The following GHR variants were observed in gnomAD, a reference collection of about 807,000 sequenced individuals.
GHR encodes the protein GH receptor.
Under a neutral mutation model 67.1 loss-of-function variants are expected in GHR, and 35 were observed. The ratio of observed to expected loss-of-function variants is 0.52; its 90% CI spans 0.40 to 0.69. The LOEUF is 0.69. Ranked by LOEUF, GHR falls within the 30% of genes least tolerant of loss-of-function variation. The pLI is 0.00. For missense variants in GHR, 792 were observed against 764.6 expected (o/e 1.04, Z -0.42); for synonymous variants, 272 against 269.1 (o/e 1.01, Z -0.10).
At chr5:42,466,951 C>G in intron 1 of GHR, 1 of 1,542,778 alleles carries the variant, frequency 6.5e-7, no homozygotes. Flanking sequence ...AGCTGCACCA[C>G]ACTTCTTATA....
intron 2 of GHR, among the ~76,000 whole-genome samples, chr5:42,592,912 T>C (rs1561151302): frequency 6.6e-6 from 1 of 152,240 alleles, no homozygotes; most frequent in East Asian, 1.9e-4. Context: ...TGTTATTTTT[T>C]TGAGTTTTTA....
intron 1 of GHR, among the ~76,000 whole-genome samples, chr5:42,559,912 T>G (rs1749510028): frequency 6.6e-6 from 1 of 152,212 alleles, no homozygotes; most frequent in African/African-American, 2.4e-5. Flanking sequence ...AATGCCCTTT[T>G]GGGTTAGCTT....
At chr5:42,532,180 A>G (rs1748002034) in intron 1 of GHR, among the ~76,000 whole-genome samples, 1 of 152,132 alleles carries the variant, frequency 6.6e-6, no homozygotes, top group African/African-American at 2.4e-5. Context: ...TGATCATATA[A>G]CAATAAGTCT....
At chr5:42,434,148 A>G (rs1314395000) in intron 1 of GHR, among the ~76,000 whole-genome samples, 1 of 152,160 alleles carries the variant, frequency 6.6e-6, no homozygotes, top group Non-Finnish European at 1.5e-5. Context: ...AATGGGCTTT[A>G]CAATGGCAGA....
At chr5:42,650,576 A>ACATATATATATATATATATATAT (rs1238563261) in intron 3 of GHR, among the ~76,000 whole-genome samples, 2 of 53,396 alleles carry the variant, frequency 3.7e-5, no homozygotes, top group African/African-American at 1.6e-4. Flanking sequence ...TTTTACAGAT[A>ACATATATATATATATATATATAT]ACATATATAT....
Position 42,688,890 on chromosome 5 carries a change from A to T in GHR, c.137A>T (p.Asn46Ile), listed in dbSNP as rs1401911314. The change falls in exon 4 of 10, where the codon AAT becomes ATT. Residue 46 changes from asparagine (N) to isoleucine (I), a missense_variant and splice_region_variant. Asn to Ile is a moderately radical substitution (Grantham distance 149). Transcript: ENST00000230882. ...CTTGCCTTTTCTTTTTATTCTGCAG[A>T]TTCTTCTAAGGAGCCTAAATTCACC... is the stretch of plus-strand genomic sequence containing the variant. ...LQSVNPGLKT[N>I]SSKEPKFTKC... is the part of the protein sequence containing the mutation. The T allele has an allele frequency of 1.9e-6, 3 of 1,613,834 alleles. No homozygotes were observed. The highest frequency in any genetic ancestry group is 2.2e-5 in the East Asian group (1 of 44,866).
At chr5:42,606,373 G>T (rs1446636680) in intron 2 of GHR, among the ~76,000 whole-genome samples, 1 of 152,148 alleles carries the variant, frequency 6.6e-6, no homozygotes, top group Non-Finnish European at 1.5e-5. Flanking sequence ...TTGGTTCATG[G>T]TTCTGCAGGC....
chr5:42,502,863 T>A (rs1746598578), intron 1 of GHR, among the ~76,000 whole-genome samples: 1 of 149,566 alleles, frequency 6.7e-6, no homozygotes, highest in Non-Finnish European at 1.5e-5. Context: ...TTTTATTAAT[T>A]TATACATATG....
At chr5:42,631,714 C>T (rs1419391044) in intron 3 of GHR, among the ~76,000 whole-genome samples, 1 of 152,138 alleles carries the variant, frequency 6.6e-6, no homozygotes, top group Non-Finnish European at 1.5e-5. Flanking sequence ...TGAGAATATA[C>T]AATTATAATT....
intron 1 of GHR, among the ~76,000 whole-genome samples, chr5:42,464,166 A>G (rs1368423037): frequency 6.6e-6 from 1 of 150,954 alleles, no homozygotes; most frequent in East Asian, 2.0e-4. Context: ...TCTACTTACT[A>G]CCTGCTGCTG....
intron 1 of GHR, among the ~76,000 whole-genome samples, chr5:42,434,900 A>G (rs1481354362): frequency 6.6e-6 from 1 of 152,164 alleles, no homozygotes; most frequent in Non-Finnish European, 1.5e-5. Context: ...TTGGATTCAC[A>G]CAAATCTGCT....
At chr5:42,613,232 G>A (rs748630490) in intron 2 of GHR, among the ~76,000 whole-genome samples, 1 of 152,068 alleles carries the variant, frequency 6.6e-6, no homozygotes, top group Non-Finnish European at 1.5e-5. Context: ...CACTGACCGA[G>A]TTTGTAATGA....
rs148613828 is a variant in GHR, at chr5:42,612,060, A to G, written c.71-16978A>G. 4.3e-3 allele frequency among the ~76,000 whole-genome samples: 661 copies of G among 152,316 alleles called. 4 individuals carry two copies. The highest frequency in any genetic ancestry group is 0.015 in the African/African-American group (639 of 41,570). On this transcript the variant is annotated intron_variant, in intron 2 of 9. Coordinates refer to ENST00000230882, the MANE Select transcript of GHR (RefSeq NM_000163.5). Reference sequence around the variant, plus strand: ...GAAGGTTAGAGCTATGTCTGTATCCAGCATAATATTTATCTCTGTATCTGC... The same window carrying G: ...GAAGGTTAGAGCTATGTCTGTATCCGGCATAATATTTATCTCTGTATCTGC...
intron 3 of GHR, among the ~76,000 whole-genome samples, chr5:42,652,768 A>G (rs1199040973): frequency 1.3e-5 from 2 of 152,136 alleles, no homozygotes; most frequent in Non-Finnish European, 2.9e-5. Flanking sequence ...TTAACAGATA[A>G]AGAGACTGAG....
intron 1 of GHR, among the ~76,000 whole-genome samples, chr5:42,558,640 G>A (rs180708169): frequency 1.3e-4 from 20 of 152,136 alleles, no homozygotes; most frequent in Admixed American, 1.2e-3. Context: ...CTATTCAATA[G>A]AGCAGTAACC....
intron 3 of GHR, among the ~76,000 whole-genome samples, chr5:42,687,033 AACAG>A (rs1757191288): frequency 6.6e-6 from 1 of 152,202 alleles, no homozygotes; most frequent in Non-Finnish European, 1.5e-5. Flanking sequence ...ATACACCAGT[AACAG>A]ACAGAGAGCC....
At chr5:42,503,959 G>A (rs1022458164) in intron 1 of GHR, among the ~76,000 whole-genome samples, 2 of 152,204 alleles carry the variant, frequency 1.3e-5, no homozygotes, top group Admixed American at 6.5e-5. Flanking sequence ...GAAAAGAGGG[G>A]AGCTTTGGGA....
Position 42,602,964 on chromosome 5 carries a change from G to A in GHR, c.71-26074G>A, listed in dbSNP as rs575905439. 4.6e-5 allele frequency among the ~76,000 whole-genome samples: 7 copies of A among 152,156 alleles called. No homozygotes were observed. The East Asian group carries it at 1.2e-3, about 25-fold the overall frequency. ...ATTCTGTATTATTTTTTACCAATGT[G>A]TTCCCTACTCTGCTGCTTTCTTTTT... On this transcript the variant is annotated intron_variant, in intron 2 of 9. Coordinates refer to ENST00000230882, the MANE Select transcript of GHR (RefSeq NM_000163.5).
chr5:42,692,387 G>C (rs1261260245), intron 4 of GHR, among the ~76,000 whole-genome samples: 2 of 151,990 alleles, frequency 1.3e-5, no homozygotes, highest in Non-Finnish European at 2.9e-5. Context: ...TAACTTTTGG[G>C]AGTAAGAGCA....
Sources: allele counts gnomAD v4.1 joint callset (sites outside exome capture counted in the v4.1 genomes callset), GRCh38; gene constraint gnomAD v4.1.1; transcripts MANE v1.5; gene names NCBI Gene and HGNC (gene_info 2026-07-23, HGNC 2026-07-21).